The following MROH2B variants were observed in gnomAD, a reference collection of about 807,000 sequenced individuals.
MROH2B encodes the protein maestro heat-like repeat-containing protein family member 2B.
A neutral mutation model predicts 208.6 loss-of-function variants in MROH2B; 177 were observed. The observed-to-expected ratio is 0.85, with a 90% confidence interval of 0.75 to 0.96. The LOEUF is 0.96. Among genes scored for constraint, MROH2B ranks in the 40% least tolerant of loss-of-function variants. The probability of loss-of-function intolerance (pLI) is 0.00; values close to 1 mark genes in which losing one functional copy is unlikely to be tolerated. For synonymous variants in MROH2B, 728 were observed against 659.0 expected (o/e 1.10, Z -1.60); for missense variants, 2,002 against 1,878.7 (o/e 1.07, Z -1.21).
At chr5:41,038,477 C>A (rs1742832872) in intron 21 of MROH2B, among the ~76,000 whole-genome samples, 1 of 152,130 alleles carries the variant, frequency 6.6e-6, no homozygotes. Context: ...CCAAACATAC[C>A]AGATCCTACC....
intron 15 of MROH2B, 125 bp from the exon 16 acceptor site, chr5:41,048,590 TCA>T: frequency 2.8e-6 from 3 of 1,080,402 alleles, no homozygotes; most frequent in Middle Eastern, 2.1e-4. Flanking sequence ...TAACAAATCA[TCA>T]CAGTCTATTC....
At chr5:41,051,680 C>T (rs325869) in intron 12 of MROH2B, 32,569 of 152,078 alleles carry the variant, frequency 0.21, 3,519 homozygotes, top group Middle Eastern at 0.29. Context: ...GCTAGCTAGT[C>T]CCTTCCACTA....
chr5:41,048,289 C>A (rs1412910265), intron 16 of MROH2B, 35 bp downstream of exon 16: 6 of 1,568,616 alleles, frequency 3.8e-6, no homozygotes, highest in East Asian at 2.3e-5. Context: ...ATGTTCTTGC[C>A]CCCTGGGTAA....
At chr5:40,998,478 C>A in intron 41 of MROH2B, 134 bp downstream of exon 41, 1 of 735,140 alleles carries the variant, frequency 1.4e-6, no homozygotes, top group Non-Finnish European at 2.3e-6. Flanking sequence ...ATTCTAGTGT[C>A]TAGAGAGCAT....
chr5:41,040,443 G>T (rs558403405), intron 19 of MROH2B, among the ~76,000 whole-genome samples: 1 of 152,094 alleles, frequency 6.6e-6, no homozygotes, highest in Non-Finnish European at 1.5e-5. Context: ...GATAATAATC[G>T]TTCTAGTATG....
At chr5:41,025,589 C>T (rs1314337718) in intron 24 of MROH2B, among the ~76,000 whole-genome samples, 3 of 152,078 alleles carry the variant, frequency 2.0e-5, no homozygotes, top group Admixed American at 6.6e-5. Flanking sequence ...GATTCACAGC[C>T]GAATTCTACC....
intron 24 of MROH2B, among the ~76,000 whole-genome samples, chr5:41,031,272 G>A (rs1742559210): frequency 6.6e-6 from 1 of 152,100 alleles, no homozygotes; most frequent in African/African-American, 2.4e-5. Context: ...GCATGTGAAG[G>A]AGGAACAGCC....
chr5:41,065,575 A>G, intron 3 of MROH2B, 85 bp from the exon 4 acceptor site: 1 of 1,028,494 alleles, frequency 9.7e-7, no homozygotes, highest in South Asian at 1.8e-5. Flanking sequence ...CATAATATTT[A>G]TATATGCATT....
chr5:41,004,662 CA>C, intron 36 of MROH2B, 111 bp downstream of exon 36: 1 of 1,526,374 alleles, frequency 6.6e-7, no homozygotes, highest in Non-Finnish European at 8.8e-7. Flanking sequence ...ACCACTTCAG[CA>C]ATGTATCTGG....
intron 13 of MROH2B, 100 bp downstream of exon 13, chr5:41,050,877 G>C: frequency 1.3e-6 from 1 of 766,138 alleles, no homozygotes; most frequent in Non-Finnish European, 2.1e-6. Context: ...TCAGGAAGCT[G>C]ATGACAAATG....
chr5:41,033,993 G>A, intron 21 of MROH2B, 129 bp from the exon 22 acceptor site: 1 of 1,349,224 alleles, frequency 7.4e-7, no homozygotes, highest in African/African-American at 1.5e-5. Context: ...CTTGCCAAGG[G>A]GGGTCTTGCC....
chr5:41,023,879 C>T (rs1742251199), intron 24 of MROH2B, among the ~76,000 whole-genome samples: 1 of 152,176 alleles, frequency 6.6e-6, no homozygotes, highest in South Asian at 2.1e-4. Context: ...GGCCAATATT[C>T]AACATTTTTA....
At position 41,055,613 on chromosome 5, in the gene MROH2B, A is replaced by G; in HGVS notation, c.1033+129T>C. 3 of 621,480 alleles carry G rather than the reference A, an allele frequency of 4.8e-6. No homozygotes were observed. In the South Asian group the frequency reaches 6.9e-5, roughly 14 times the overall value. The allele number at this position is 621,480 out of a possible 1,614,324, so 38.5% of individuals were successfully genotyped here. On this transcript the variant is annotated intron_variant, in intron 10 of 41. Transcript: ENST00000399564. ...TTGTAGATTGTGGAAGATTAAGAAGACAGAATTTCATTTGCACGTGATGTT... is the reference window on the plus strand; with the variant it reads ...TTGTAGATTGTGGAAGATTAAGAAGGCAGAATTTCATTTGCACGTGATGTT...
chr5:41,033,000 G>T (rs1742625690), intron 23 of MROH2B, 41 bp downstream of exon 23: 2 of 1,610,102 alleles, frequency 1.2e-6, no homozygotes, highest in African/African-American at 2.7e-5. Context: ...CTTGGTAATG[G>T]AATACTCAGG....
intron 38 of MROH2B, 73 bp from the exon 39 acceptor site, chr5:41,000,424 T>C (rs1369698924): frequency 1.3e-6 from 2 of 1,565,420 alleles, no homozygotes; most frequent in African/African-American, 1.4e-5. Context: ...AAATGCTGAA[T>C]AGTACTGGGA....
intron 5 of MROH2B, 83 bp downstream of exon 5, chr5:41,064,389 A>G (rs1223239781): frequency 6.1e-5 from 70 of 1,151,354 alleles, no homozygotes; most frequent in Non-Finnish European, 8.1e-5. Context: ...TTGGAGTTAA[A>G]GGGAAAACAA....
intron 18 of MROH2B, among the ~76,000 whole-genome samples, chr5:41,043,390 A>G (rs779819163): frequency 2.0e-5 from 3 of 152,244 alleles, no homozygotes; most frequent in Non-Finnish European, 4.4e-5. Context: ...GTAAATACGA[A>G]TTGGGGACAA....
chr5:41,010,561 A>G (rs1741742440), intron 30 of MROH2B, among the ~76,000 whole-genome samples: 1 of 152,194 alleles, frequency 6.6e-6, no homozygotes, highest in Admixed American at 6.5e-5. Context: ...GTGGAGACAG[A>G]TGGTGGGAAA....
intron 24 of MROH2B, among the ~76,000 whole-genome samples, chr5:41,025,599 C>A (rs1742325643): frequency 2.6e-5 from 4 of 152,188 alleles, no homozygotes; most frequent in Non-Finnish European, 5.9e-5. Flanking sequence ...CGAATTCTAC[C>A]AGAGGTACAA....
Sources: allele counts gnomAD v4.1 joint callset (sites outside exome capture counted in the v4.1 genomes callset), GRCh38; gene constraint gnomAD v4.1.1; transcripts MANE v1.5; gene names NCBI Gene and HGNC (gene_info 2026-07-23, HGNC 2026-07-21).